Variants in DLEU7 observed in about 807,000 individuals in gnomAD.
DLEU7 encodes the protein deleted in lymphocytic leukemia 7, also known as leukemia-associated protein 7.
A neutral mutation model predicts 16.0 loss-of-function variants in DLEU7; 17 were observed. The ratio of observed to expected loss-of-function variants is 1.06; its 90% CI spans 0.73 to 1.59. The LOEUF is 1.59. DLEU7 is among the 40% of genes most tolerant of loss of function. The pLI is 0.00. For synonymous variants in DLEU7, 113 were observed against 139.8 expected (o/e 0.81, Z 1.35); for missense variants, 308 against 314.9 (o/e 0.98, Z 0.17).
At chr13:50,778,468 A>G (rs74078407) in intron 1 of DLEU7, among the ~76,000 whole-genome samples, 2,035 of 152,248 alleles carry the variant, frequency 0.013, 41 homozygotes, top group African/African-American at 0.047. Context: ...TTTCCATCCC[A>G]TAGCTATGAG....
chr13:50,743,757 G>A (rs925890701), intron 1 of DLEU7, among the ~76,000 whole-genome samples: 2 of 152,146 alleles, frequency 1.3e-5, no homozygotes, highest in Admixed American at 6.5e-5. Context: ...TTGTTTTCAA[G>A]GTTTGTTCAT....
intron 1 of DLEU7, among the ~76,000 whole-genome samples, chr13:50,837,673 C>G (rs965916550): frequency 2.0e-5 from 3 of 152,118 alleles, no homozygotes; most frequent in Admixed American, 6.5e-5. Context: ...AGACACAAAT[C>G]TCAAATTTGC....
chr13:50,724,491 T>C (rs1415511663), intron 1 of DLEU7, among the ~76,000 whole-genome samples: 1 of 152,058 alleles, frequency 6.6e-6, no homozygotes, highest in Non-Finnish European at 1.5e-5. Context: ...CTCTTCCTCT[T>C]TTCCTACGGA....
chr13:50,725,135 C>G (rs1400634185), intron 1 of DLEU7, among the ~76,000 whole-genome samples: 1 of 152,114 alleles, frequency 6.6e-6, no homozygotes, highest in Non-Finnish European at 1.5e-5. Context: ...TCCCTGGTGC[C>G]AGCAGTGACC....
chr13:50,785,140 A>C (rs576979957), intron 1 of DLEU7, among the ~76,000 whole-genome samples: 1 of 152,248 alleles, frequency 6.6e-6, no homozygotes, highest in African/African-American at 2.4e-5. Context: ...TAAGCTGAGG[A>C]GTAACTTACG....
At chr13:50,713,188 T>C (rs750400267) in exon 2 of DLEU7, 17 of 1,608,644 alleles carry the variant, frequency 1.1e-5, no homozygotes, top group Non-Finnish European at 1.3e-5. Context: ...AAGCTCCTGA[T>C]GGTCCTCACA....
intron 1 of DLEU7, among the ~76,000 whole-genome samples, chr13:50,718,048 C>T (rs756861375): frequency 2.7e-4 from 41 of 151,984 alleles, no homozygotes; most frequent in Non-Finnish European, 3.8e-4. Context: ...GAATCTCAGG[C>T]CCTCCCCCAA....
chr13:50,726,713 G>A lies in DLEU7; in HGVS notation c.460-13473C>T, dbSNP rs1448617281. ...TCTCCAGGCATGGGTGCACCTCGGG[G>A]GTGGGCTGAGCACCTATGAGTCTAG... is the stretch of plus-strand genomic sequence containing the variant. On this transcript the variant is annotated intron_variant, in intron 1 of 1. Transcript: ENST00000400393. This position sits in a 1 kb window ranked among gnomAD's most constrained non-coding sequence, Gnocchi z 4.0. Among the ~76,000 whole-genome samples the A allele has an allele frequency of 6.6e-6, 1 of 152,010 alleles. No homozygotes were observed. The highest frequency in any genetic ancestry group is 1.5e-5 in the Non-Finnish European group (1 of 67,998).
chr13:50,742,684 G>A (rs1874285097), intron 1 of DLEU7, among the ~76,000 whole-genome samples: 1 of 152,200 alleles, frequency 6.6e-6, no homozygotes, highest in Non-Finnish European at 1.5e-5. Flanking sequence ...TGTTCTGGTA[G>A]CAGGGGCCAG....
intron 1 of DLEU7, among the ~76,000 whole-genome samples, chr13:50,841,668 G>A (rs1175093471): frequency 6.6e-6 from 1 of 150,722 alleles, no homozygotes; most frequent in Non-Finnish European, 1.5e-5. Context: ...GCTCGAGGCT[G>A]TAGTGTTATG....
In DLEU7 at chr13:50,727,214, C is replaced by CGTGT. The variant is rs3990136; in HGVS notation, c.460-13978_460-13975dup. 8.5e-3 allele frequency among the ~76,000 whole-genome samples: 1,279 copies of CGTGT among 150,156 alleles called. 18 individuals are homozygous for CGTGT. The highest frequency in any genetic ancestry group is 0.028 in the African/African-American group (1,147 of 41,116). On this transcript the variant is annotated intron_variant, in intron 1 of 1. Coordinates refer to the DLEU7 transcript ENST00000400393. ...AAGAAGTTCTGTACGCTCTTGCATA[C>CGTGT]GTGTGTGTGTGTGTGTGTGAGTGTG...
intron 1 of DLEU7, among the ~76,000 whole-genome samples, chr13:50,792,044 T>G (rs879710124): frequency 6.6e-6 from 1 of 152,236 alleles, no homozygotes; most frequent in Non-Finnish European, 1.5e-5. Flanking sequence ...TCTATCAAGT[T>G]TCTTTCATAC....
intron 1 of DLEU7, among the ~76,000 whole-genome samples, chr13:50,755,301 T>G (rs1278431675): frequency 6.6e-6 from 1 of 152,216 alleles, no homozygotes; most frequent in Non-Finnish European, 1.5e-5. Flanking sequence ...ACTCTTAGAT[T>G]TCTCTTCTCC....
intron 1 of DLEU7, among the ~76,000 whole-genome samples, chr13:50,730,485 TTGTC>T (rs891049018): frequency 2.6e-5 from 4 of 152,292 alleles, no homozygotes; most frequent in African/African-American, 7.2e-5. Context: ...ATTCAAGAGT[TTGTC>T]TGGGCAGATA....
chr13:50,809,173 T>C (rs527665361), intron 1 of DLEU7, among the ~76,000 whole-genome samples: 1 of 152,280 alleles, frequency 6.6e-6, no homozygotes, highest in East Asian at 1.9e-4. Context: ...ATAGGACATA[T>C]TAATCACTGC....
chr13:50,773,719 ACATGGGG>A (rs1161225094), intron 1 of DLEU7, among the ~76,000 whole-genome samples: 2 of 152,160 alleles, frequency 1.3e-5, no homozygotes, highest in African/African-American at 4.8e-5. Context: ...CAGTTAGGCT[ACATGGGG>A]GTCAGGGACC....
chr13:50,741,360 A>T (rs1239045955), intron 1 of DLEU7, among the ~76,000 whole-genome samples: 1 of 152,160 alleles, frequency 6.6e-6, no homozygotes, highest in African/African-American at 2.4e-5. Context: ...TGAACCACCT[A>T]AATCAGAAAG....
rs775426711 is a variant in DLEU7, at chr13:50,843,287, C to G, written c.360G>C (p.Ala120=). 59 of 1,567,964 alleles carry G rather than the reference C, an allele frequency of 3.8e-5. No homozygotes were observed. Among genetic ancestry groups the G allele is most frequent in the Non-Finnish European group, 4.5e-5 (52 of 1,157,380 alleles). Residue 120 remains alanine (A), a synonymous_variant, in exon 1 of 2, where the codon GCG becomes GCC. Transcript: ENST00000504404. This position sits in a 1 kb window ranked among gnomAD's most constrained non-coding sequence, Gnocchi z 5.7. ...AAGTCGAGTCCACCACGCGGGCCAG[C>G]GCGCTGCGCATCGCCATCTGGGCCA... is the stretch of plus-strand genomic sequence containing the variant. ...CTLAQMAMRS[A]LARVVDSTSE... is the part of the protein sequence containing the mutation.
intron 1 of DLEU7, among the ~76,000 whole-genome samples, chr13:50,745,039 C>T (rs1874355129): frequency 6.6e-6 from 1 of 152,096 alleles, no homozygotes; most frequent in Non-Finnish European, 1.5e-5. Flanking sequence ...AATAGAATTG[C>T]CATATGACCC....
Sources: gnomAD v4.1 joint callset for allele counts (sites outside exome capture counted in the v4.1 genomes callset) on GRCh38, gnomAD v4.1.1 for gene constraint, Gnocchi (gnomAD v3.1) non-coding constraint, MANE v1.5 for transcripts, NCBI Gene and HGNC (gene_info 2026-07-23, HGNC 2026-07-21) for gene names.